TAF4: variants seen among roughly 807,000 people sequenced by gnomAD.
TAF4 encodes TATA-box binding protein associated factor 4.
A neutral mutation model predicts 90.3 loss-of-function variants in TAF4; 9 were observed. The observed-to-expected ratio is 0.10, with a 90% CI of 0.06 to 0.17. The LOEUF (loss-of-function observed/expected upper bound fraction) is 0.17, where lower values mean the gene tolerates loss of function less well. Among genes scored for constraint, TAF4 ranks in the 10% least tolerant of loss-of-function variants. The pLI, the probability that TAF4 is intolerant of heterozygous loss-of-function variation, is 1.00. For synonymous variants in TAF4, 818 were observed against 638.9 expected (o/e 1.28, Z -4.23); for missense variants, 1,351 against 1,370.7 (o/e 0.99, Z 0.23).
intron 1 of TAF4, among the ~76,000 whole-genome samples, chr20:62,063,405 G>C (rs1296882530): frequency 1.3e-5 from 2 of 152,088 alleles, no homozygotes; most frequent in Non-Finnish European, 2.9e-5. Flanking sequence ...CGTCACCACA[G>C]GCCGGGGAGG....
At chr20:62,046,045 G>A (rs763221062) in intron 1 of TAF4, among the ~76,000 whole-genome samples, 7 of 152,208 alleles carry the variant, frequency 4.6e-5, no homozygotes, top group African/African-American at 7.2e-5. Context: ...CCGCCAGGCC[G>A]CTGAAAGCCC....
intron 1 of TAF4, among the ~76,000 whole-genome samples, chr20:62,022,953 T>C (rs2055851942): frequency 6.7e-6 from 1 of 148,984 alleles, no homozygotes; most frequent in Non-Finnish European, 1.5e-5. Context: ...AAAACAAAAA[T>C]GCGAGCAAGT....
At chr20:61,985,740 G>C (rs1340149921) in intron 14 of TAF4, among the ~76,000 whole-genome samples, 2 of 151,512 alleles carry the variant, frequency 1.3e-5, no homozygotes, top group Admixed American at 1.3e-4. Flanking sequence ...GGAGAAGTGA[G>C]AAGGCCGCTG....
intron 14 of TAF4, among the ~76,000 whole-genome samples, chr20:61,990,788 A>ACAGAGCCC (rs1186172434): frequency 6.6e-6 from 1 of 152,198 alleles, no homozygotes; most frequent in East Asian, 1.9e-4. Context: ...TGGGAGGTGC[A>ACAGAGCCC]CAGAGCCCCG....
At chr20:62,061,831 TTAACA>T (rs2056090317) in intron 1 of TAF4, among the ~76,000 whole-genome samples, 1 of 152,244 alleles carries the variant, frequency 6.6e-6, no homozygotes, top group South Asian at 2.1e-4. Flanking sequence ...TACAATTACA[TTAACA>T]TAACTGTCTT....
chr20:61,995,959 G>A (rs184433742), intron 14 of TAF4, among the ~76,000 whole-genome samples: 1 of 151,926 alleles, frequency 6.6e-6, no homozygotes, highest in East Asian at 1.9e-4. Flanking sequence ...ACAGATCTGT[G>A]AAGTTCAGAG....
At position 62,064,807 on chromosome 20, in the gene TAF4, G is replaced by A; in HGVS notation, c.1004C>T (p.Ala335Val). 1.0e-6 allele frequency: 1 copy of A among 989,556 alleles called. No homozygotes were observed. Among genetic ancestry groups the A allele is most frequent in the Non-Finnish European group, 1.2e-6 (1 of 835,538 alleles). 61.3% of individuals were successfully genotyped at this position (989,556 alleles called of 1,614,324 possible). A position where few individuals can be genotyped will look rare whatever the true frequency, so the allele number is the denominator to read the frequency against. The change falls in exon 1 of 15, where the codon GCT becomes GTT. Residue 335 changes from alanine to valine, a missense_variant. Around this residue, in one of 9 missense-constraint regions of TAF4, gnomAD observed 782 missense variants for 536.6 expected, o/e 1.46. Coordinates refer to ENST00000252996, the MANE Select transcript of TAF4 (RefSeq NM_003185.4). ...CTTGACCCCCGGCGCCGGCGCCGCA[G>A]CCGCCGCGCCGGGCCCGGGTTGGCC... ...VSGQPGPGAAAAAPAPGVKAE... is the reference protein window; with the variant it reads ...VSGQPGPGAAVAAPAPGVKAE...
intron 1 of TAF4, among the ~76,000 whole-genome samples, chr20:62,055,808 C>G (rs944983932): frequency 2.6e-5 from 4 of 152,208 alleles, no homozygotes; most frequent in African/African-American, 9.6e-5. Context: ...TCCTGCTGAT[C>G]TGTTTGCCTG....
At chr20:61,980,252 G>C (rs1021079700) in intron 14 of TAF4, 1 of 152,302 alleles carries the variant, frequency 6.6e-6, no homozygotes, top group African/African-American at 2.4e-5. Context: ...GCCAAATGCA[G>C]AGTCGCCGTC....
At chr20:61,999,834 A>C (rs1333688118) in intron 11 of TAF4, among the ~76,000 whole-genome samples, 1 of 152,234 alleles carries the variant, frequency 6.6e-6, no homozygotes, top group Non-Finnish European at 1.5e-5. Flanking sequence ...CTGTAATCCC[A>C]GCTACTTGGG....
chr20:62,057,219 C>A (rs2056069665), intron 1 of TAF4, among the ~76,000 whole-genome samples: 1 of 152,236 alleles, frequency 6.6e-6, no homozygotes, highest in African/African-American at 2.4e-5. Flanking sequence ...AGTGGACCAG[C>A]TGACCCACAA....
rs748209530 is a variant in TAF4 at position 62,064,495 on chromosome 20, G to A, written c.1316C>T (p.Pro439Leu). ...CTGGATGTTGGTCGGGTTCTGAGGC[G>A]GCTGCGGCAAGCGGGGGGCCAGCAC... ...PTVLAPRLPQ[P>L]PQNPTNIQNF... The change falls in exon 1 of 15, where the codon CCG becomes CTG. Residue 439 changes from proline (P) to leucine (L), a missense_variant. This residue lies in a region of TAF4 where 782 missense variants were observed against 536.6 expected (regional missense o/e 1.46). Transcript: ENST00000252996. 1.3e-6 allele frequency: 2 copies of A among 1,517,910 alleles called. No homozygotes were observed. The highest frequency in any genetic ancestry group is 1.8e-6 in the Non-Finnish European group (2 of 1,134,450). The allele number at this position is 1,517,910 out of a possible 1,614,324, so 94.0% of individuals were successfully genotyped here. A position where few individuals can be genotyped will look rare whatever the true frequency, so the allele number is the denominator to read the frequency against.
Position 62,065,838 on chromosome 20 carries a change from G to A in TAF4, c.-28C>T, listed in dbSNP as rs1349134060. On this transcript the variant is annotated 5_prime_UTR_variant, in exon 1 of 15. Transcript: ENST00000252996. ...TTTTTCCTCGGCCGCCGCCGCCGCC[G>A]CCGCTCGGGCCGAGCGCGCCTGGGC... 1.1e-5 allele frequency: 14 copies of A among 1,243,640 alleles called. No individual in the cohort carries two copies. Among genetic ancestry groups the A allele is most frequent in the East Asian group, 1.3e-4 (2 of 15,666 alleles). 77.0% of individuals were successfully genotyped at this position (1,243,640 alleles called of 1,614,324 possible). A position where few individuals can be genotyped will look rare whatever the true frequency, so the allele number is the denominator to read the frequency against.
intron 1 of TAF4, among the ~76,000 whole-genome samples, chr20:62,046,397 A>T (rs1215675922): frequency 1.3e-5 from 2 of 152,246 alleles, no homozygotes; most frequent in Non-Finnish European, 2.9e-5. Context: ...CCAGGCAACC[A>T]CAACTGTTCC....
chr20:62,003,491 G>C (rs1024960300), intron 8 of TAF4, among the ~76,000 whole-genome samples: 1 of 152,194 alleles, frequency 6.6e-6, no homozygotes, highest in Non-Finnish European at 1.5e-5. Flanking sequence ...GGTTTTTAAA[G>C]TGCAGGAATG....
intron 14 of TAF4, among the ~76,000 whole-genome samples, chr20:61,997,154 G>A (rs557947601): frequency 1.3e-5 from 2 of 152,248 alleles, no homozygotes; most frequent in South Asian, 2.1e-4. Context: ...AAACAGCAGC[G>A]GGCAGCAATT....
intron 11 of TAF4, 55 bp from the exon 12 acceptor site, chr20:61,999,163 A>AG: frequency 6.3e-7 from 1 of 1,596,650 alleles, no homozygotes; most frequent in Non-Finnish European, 8.5e-7. Context: ...CAGCAAGCAA[A>AG]GGGGTTGTCT....
At chr20:62,008,976 G>A in intron 5 of TAF4, 76 bp downstream of exon 5, 1 of 1,542,958 alleles carries the variant, frequency 6.5e-7, no homozygotes, top group South Asian at 1.2e-5. Context: ...CCCGGGCACA[G>A]GTCACAGCAG....
chr20:62,040,399 T>C (rs1274850310), intron 1 of TAF4, among the ~76,000 whole-genome samples: 1 of 152,198 alleles, frequency 6.6e-6, no homozygotes, highest in Non-Finnish European at 1.5e-5. Flanking sequence ...ATCTCATTTA[T>C]ACAAAATTCT....
Sources: gnomAD v4.1 joint callset for allele counts (sites outside exome capture counted in the v4.1 genomes callset) on GRCh38, gnomAD v4.1.1 for gene constraint, gnomAD v4.1.1 regional missense constraint, MANE v1.5 for transcripts, NCBI Gene and HGNC (gene_info 2026-07-23, HGNC 2026-07-21) for gene names.